Variants in SLC35F4 observed in about 807,000 individuals in gnomAD.
The protein encoded by SLC35F4 is solute carrier family 35 member F4.
Under a neutral mutation model 44.2 loss-of-function variants are expected in SLC35F4, and 24 were observed. The observed-to-expected ratio is 0.54, with a 90% CI of 0.39 to 0.76. SLC35F4 has a LOEUF of 0.76. SLC35F4 is among the 30% of genes least tolerant of loss of function. The pLI, the probability that SLC35F4 is intolerant of heterozygous loss-of-function variation, is 0.00. For synonymous variants in SLC35F4, 238 were observed against 223.6 expected (o/e 1.06, Z -0.57); for missense variants, 562 against 586.1 (o/e 0.96, Z 0.42).
intron 2 of SLC35F4, among the ~76,000 whole-genome samples, chr14:57,591,743 G>A (rs2070195806): frequency 6.6e-6 from 1 of 152,170 alleles, no homozygotes; most frequent in African/African-American, 2.4e-5. Flanking sequence ...TTCCTGGCAG[G>A]AATGGCAGTC....
At chr14:57,961,559 G>T (rs1254716913) in intron 1 of SLC35F4, among the ~76,000 whole-genome samples, 1 of 152,112 alleles carries the variant, frequency 6.6e-6, no homozygotes, top group Non-Finnish European at 1.5e-5. Flanking sequence ...AATGTGATTG[G>T]GTCCCTTAAT....
At chr14:57,917,842 T>C (rs1889360494) in intron 1 of SLC35F4, among the ~76,000 whole-genome samples, 1 of 152,196 alleles carries the variant, frequency 6.6e-6, no homozygotes, top group Non-Finnish European at 1.5e-5. Context: ...CCTCTATGAC[T>C]AGGCCTTAAT....
intron 1 of SLC35F4, among the ~76,000 whole-genome samples, chr14:57,924,628 T>C (rs1429344935): frequency 6.6e-6 from 1 of 152,040 alleles, no homozygotes; most frequent in South Asian, 2.1e-4. Flanking sequence ...TTTGTATTTT[T>C]AGTAGAGACA....
chr14:57,682,014 T>C (rs1428590584), intron 1 of SLC35F4, among the ~76,000 whole-genome samples: 3 of 152,136 alleles, frequency 2.0e-5, no homozygotes, highest in Admixed American at 2.0e-4. Context: ...GGTGAGGATA[T>C]GGAGAAATAG....
intron 1 of SLC35F4, among the ~76,000 whole-genome samples, chr14:57,738,307 G>A (rs62003377): frequency 0.024 from 3,652 of 152,290 alleles, 69 homozygotes; most frequent in Non-Finnish European, 0.042. Flanking sequence ...GTCCTAGGAA[G>A]AGAAATCGCC....
intron 1 of SLC35F4, among the ~76,000 whole-genome samples, chr14:57,599,820 C>A (rs746643538): frequency 5.8e-4 from 63 of 108,494 alleles, no homozygotes; most frequent in Middle Eastern, 9.8e-3. Flanking sequence ...AAAAAAAAAA[C>A]AACACCAGAA....
chr14:57,567,157 A>C (rs1258232659), intron 6 of SLC35F4, among the ~76,000 whole-genome samples: 3 of 152,262 alleles, frequency 2.0e-5, no homozygotes, highest in Admixed American at 6.5e-5. Context: ...AACCAGCTGA[A>C]GGTGTAGCTC....
At chr14:57,768,165 C>T (rs1433223377) in intron 1 of SLC35F4, among the ~76,000 whole-genome samples, 1 of 152,150 alleles carries the variant, frequency 6.6e-6, no homozygotes, top group Non-Finnish European at 1.5e-5. Context: ...ATGACACCAA[C>T]ACGAGATAAG....
At chr14:57,815,205 G>A (rs186068181) in intron 1 of SLC35F4, among the ~76,000 whole-genome samples, 15 of 152,306 alleles carry the variant, frequency 9.8e-5, no homozygotes, top group Non-Finnish European at 2.1e-4. Context: ...CAACATCTCA[G>A]TGACAATTTA....
chr14:57,735,648 G>A (rs1194870050), intron 1 of SLC35F4, among the ~76,000 whole-genome samples: 1 of 151,980 alleles, frequency 6.6e-6, no homozygotes, highest in African/African-American at 2.4e-5. Context: ...GCCTCACCCT[G>A]GAAGATGCAT....
chr14:57,869,636 A>G (rs918797735), upstream of SLC35F4, among the ~76,000 whole-genome samples: 5 of 152,226 alleles, frequency 3.3e-5, no homozygotes, highest in African/African-American at 4.8e-5. Flanking sequence ...TGGAAAGCCA[A>G]GAATCTTTAA....
At chr14:57,925,788 A>C (rs1594629350) in intron 1 of SLC35F4, among the ~76,000 whole-genome samples, 2 of 152,238 alleles carry the variant, frequency 1.3e-5, no homozygotes, top group African/African-American at 2.4e-5. Context: ...ACATAAAAAA[A>C]CCCACTAGTT....
intron 1 of SLC35F4, among the ~76,000 whole-genome samples, chr14:57,838,659 G>GA (rs1885182989): frequency 6.6e-6 from 1 of 152,000 alleles, no homozygotes; most frequent in South Asian, 2.1e-4. Flanking sequence ...CTCAAAATAG[G>GA]AAAAAAGATA....
chr14:57,724,799 T>G (rs113219000), intron 1 of SLC35F4, among the ~76,000 whole-genome samples: 1 of 152,126 alleles, frequency 6.6e-6, no homozygotes, highest in African/African-American at 2.4e-5. Flanking sequence ...TACAGCCCCT[T>G]TTTAGGACAT....
intron 1 of SLC35F4, among the ~76,000 whole-genome samples, chr14:57,702,255 C>A (rs1016690949): frequency 6.6e-6 from 1 of 151,522 alleles, no homozygotes; most frequent in African/African-American, 2.4e-5. Flanking sequence ...CCTTTACCCC[C>A]CTGAATACGC....
intron 4 of SLC35F4, among the ~76,000 whole-genome samples, chr14:57,577,651 C>T (rs2068887905): frequency 6.6e-6 from 1 of 151,190 alleles, no homozygotes; most frequent in Non-Finnish European, 1.5e-5. Context: ...GCACATTCCC[C>T]TTGGGAAGAA....
In SLC35F4 at chr14:57,569,895, A is replaced by C. The variant is rs767779612; in HGVS notation, c.1019T>G (p.Phe340Cys). ...CAAGATGACTGGGGTGAAGGAGATG[A>C]AGATCAAATTGAAGAAACCCAAGGT... ...VSTLGFFNLIFISFTPVILYF... is the reference protein window; with the variant it reads ...VSTLGFFNLICISFTPVILYF... The change falls in exon 6 of 8, where the codon TTC becomes TGC. Residue 340 changes from phenylalanine to cysteine, a missense_variant. Coordinates refer to ENST00000556826, the MANE Select transcript of SLC35F4 (RefSeq NM_001306087.2). 1 of 1,612,802 alleles carries C rather than the reference A, an allele frequency of 6.2e-7. No individual in the cohort carries two copies.
intron 1 of SLC35F4, among the ~76,000 whole-genome samples, chr14:57,793,714 G>A (rs553670399): frequency 6.6e-6 from 1 of 152,142 alleles, no homozygotes; most frequent in East Asian, 1.9e-4. Context: ...TTGATATAAT[G>A]ACTCCTTTTC....
chr14:57,569,458 A>G (rs553339681), intron 6 of SLC35F4, among the ~76,000 whole-genome samples: 1 of 152,172 alleles, frequency 6.6e-6, no homozygotes, highest in Non-Finnish European at 1.5e-5. Flanking sequence ...CCAACACAGC[A>G]TGGCACACAT....
Sources: allele counts gnomAD v4.1 joint callset (sites outside exome capture counted in the v4.1 genomes callset), GRCh38; gene constraint gnomAD v4.1.1; transcripts MANE v1.5; gene names NCBI Gene and HGNC (gene_info 2026-07-23, HGNC 2026-07-21).